BACH1: variants seen among roughly 807,000 people sequenced by gnomAD.
BACH1 encodes BTB domain and CNC homolog 1.
A neutral mutation model predicts 52.9 loss-of-function variants in BACH1; 35 were observed. The observed-to-expected ratio is 0.66, with a 90% CI of 0.51 to 0.88. The LOEUF is 0.88. BACH1 is among the 40% of genes least tolerant of loss of function. The pLI is 0.00. For synonymous variants in BACH1, 321 were observed against 319.6 expected (o/e 1.00, Z -0.05); for missense variants, 808 against 872.6 (o/e 0.93, Z 0.93).
intron 2 of BACH1, among the ~76,000 whole-genome samples, chr21:29,360,772 G>A (rs974802690): frequency 2.6e-5 from 4 of 151,130 alleles, no homozygotes; most frequent in African/African-American, 7.3e-5. Context: ...TTGAACCCAC[G>A]AGGTGGAGGT....
intron 4 of BACH1, among the ~76,000 whole-genome samples, chr21:29,339,724 C>T (rs918863398): frequency 2.6e-5 from 4 of 151,586 alleles, no homozygotes; most frequent in Admixed American, 2.6e-4. Context: ...CCTCCGTCTC[C>T]CAGGCTCAAG....
chr21:29,320,113 G>C (rs988855963), intron 1 of BACH1, among the ~76,000 whole-genome samples: 2 of 152,048 alleles, frequency 1.3e-5, no homozygotes, highest in Non-Finnish European at 2.9e-5. Context: ...TTTCATTTTT[G>C]TTTGGAGTGT....
At chr21:29,317,291 T>G (rs1042819783) in intron 1 of BACH1, among the ~76,000 whole-genome samples, 2 of 152,234 alleles carry the variant, frequency 1.3e-5, no homozygotes, top group Non-Finnish European at 2.9e-5. Context: ...TCTGTTTTGT[T>G]TCTGTATTAA....
chr21:29,327,496 G>A, intron 3 of BACH1, 103 bp downstream of exon 3: 1 of 1,435,330 alleles, frequency 7.0e-7, no homozygotes, highest in Non-Finnish European at 9.3e-7. Flanking sequence ...TCAGGTTCAG[G>A]GAGTGGGGAG....
chr21:29,342,567 T>C lies in BACH1; in HGVS notation c.1945T>C (p.Ser649Pro). Residue 649 changes from serine (S) to proline (P), a missense_variant, in exon 5 of 5, where the codon TCA becomes CCA. Coordinates refer to ENST00000286800, the MANE Select transcript of BACH1 (RefSeq NM_001186.4). ...AKYSAADCPL[S>P]FLISEKDKST... is the part of the protein sequence containing the mutation. ...GTACTCAGCTGCAGATTGCCCACTT[T>C]CATTTTTAATTTCTGAAAAAGATAA... 6.2e-7 allele frequency: 1 copy of C among 1,614,236 alleles called. No individual in the cohort carries two copies. Among genetic ancestry groups the C allele is most frequent in the Non-Finnish European group, 8.5e-7 (1 of 1,180,044 alleles).
chr21:29,350,848 CAAG>C (rs1321156585), downstream of BACH1, among the ~76,000 whole-genome samples: 6 of 152,078 alleles, frequency 3.9e-5, no homozygotes, highest in Admixed American at 2.0e-4. Flanking sequence ...GAGAAGCTTG[CAAG>C]AAGAGAAAGA....
chr21:29,326,373 G>T lies in BACH1; in HGVS notation c.549G>T (p.Gln183His), dbSNP rs571532697. 1 of 1,614,084 alleles carries T rather than the reference G, an allele frequency of 6.2e-7. No homozygotes were observed. Among genetic ancestry groups the T allele is most frequent in the African/African-American group, 1.3e-5 (1 of 74,938 alleles). ...AAAATAAAAATGTTCAGACTCCTCA[G>T]TGTAAACTCCGCAGGTATCAAGGAA... ...FLENKNVQTP[Q>H]CKLRRYQGNA... is the part of the protein sequence containing the mutation. Residue 183 changes from glutamine to histidine, a missense_variant, in exon 3 of 5, where the codon CAG becomes CAT. Coordinates refer to ENST00000286800, the MANE Select transcript of BACH1 (RefSeq NM_001186.4).
At chr21:29,342,028 C>A (rs959763470) in intron 4 of BACH1, among the ~76,000 whole-genome samples, 2 of 152,104 alleles carry the variant, frequency 1.3e-5, no homozygotes, top group African/African-American at 4.8e-5. Flanking sequence ...GAAAAACTGC[C>A]CCAAATTGAC....
intron 1 of BACH1, among the ~76,000 whole-genome samples, chr21:29,300,535 CG>C (rs1601332986): frequency 6.6e-6 from 1 of 152,118 alleles, no homozygotes; most frequent in East Asian, 1.9e-4. Flanking sequence ...GGTTTAAAGA[CG>C]GAGCCTCGTG....
Position 29,326,427 on chromosome 21 carries a change from C to G in BACH1, c.603C>G (p.Asp201Glu), listed in dbSNP as rs147328273. 3,863 of 1,614,236 alleles carry G rather than the reference C, an allele frequency of 2.4e-3. 5 individuals carry two copies. Among genetic ancestry groups the G allele is most frequent in the Admixed American group, 2.8e-3 (169 of 60,032 alleles). The change falls in exon 3 of 5, where the codon GAC becomes GAG. Residue 201 changes from aspartate to glutamate, a missense_variant. Transcript: ENST00000286800. The stretch of plus-strand genomic sequence containing the variant: ...CAAAAGCCTCACCTCCTCTACAAGA[C>G]AGTGCCAGTCAGACATATGAGTCCA... ...GNAKASPPLQ[D>E]SASQTYESMC...
At chr21:29,355,719 T>C (rs1350759108) in intron 2 of BACH1, among the ~76,000 whole-genome samples, 2 of 152,142 alleles carry the variant, frequency 1.3e-5, no homozygotes, top group Non-Finnish European at 2.9e-5. Flanking sequence ...AGGAAACAGA[T>C]TTGACAAGGA....
intron 1 of BACH1, among the ~76,000 whole-genome samples, chr21:29,318,906 C>G (rs1221720195): frequency 2.0e-5 from 3 of 152,130 alleles, no homozygotes; most frequent in Non-Finnish European, 4.4e-5. Flanking sequence ...TATCCAGCTC[C>G]CCACATTGCT....
chr21:29,326,459 T>A lies in BACH1; in HGVS notation c.635T>A (p.Leu212Ter), dbSNP rs1186081900. 1 of 1,614,122 alleles carries A rather than the reference T, an allele frequency of 6.2e-7. No individual in the cohort carries two copies. The highest frequency in any genetic ancestry group is 1.3e-5 in the African/African-American group (1 of 74,936). The change falls in exon 3 of 5, where the codon TTA (leucine) becomes TAA (stop). Residue 212 changes from leucine (L) to a stop codon, truncating the protein, a stop_gained. Transcript: ENST00000286800. LOFTEE classifies it high-confidence loss of function. Reference sequence around the variant, plus strand: ...AGTCAGACATATGAGTCCATGTGCTTAGAGAAGGATGCTGCTCTGGCCTTG... The same window carrying A: ...AGTCAGACATATGAGTCCATGTGCTAAGAGAAGGATGCTGCTCTGGCCTTG... Reference protein sequence around the residue: ...SASQTYESMCLEKDAALALPS... With the variant: ...SASQTYESMC
At chr21:29,317,275 A>G (rs947025121) in intron 1 of BACH1, among the ~76,000 whole-genome samples, 3 of 152,250 alleles carry the variant, frequency 2.0e-5, no homozygotes, top group African/African-American at 7.2e-5. Flanking sequence ...GCTGATCTAG[A>G]TGATCTCTGT....
chr21:29,342,420 T>C lies in BACH1; in HGVS notation c.1798T>C (p.Leu600=). 2 of 1,613,240 alleles carry C rather than the reference T, an allele frequency of 1.2e-6. No homozygotes were observed. The highest frequency in any genetic ancestry group is 1.7e-6 in the Non-Finnish European group (2 of 1,179,426). Residue 600 remains leucine, a synonymous_variant, in exon 5 of 5, where the codon TTG becomes CTG. Coordinates refer to ENST00000286800, the MANE Select transcript of BACH1 (RefSeq NM_001186.4). ...ACAGCAAAGTGAAAAGGAGAGCTTGTTGAAGGAAAGAGATCACATTTTGTC... is the reference window on the plus strand; with the variant it reads ...ACAGCAAAGTGAAAAGGAGAGCTTGCTGAAGGAAAGAGATCACATTTTGTC... ...EKLQSEKESL[L]KERDHILSTL... is the part of the protein sequence containing the mutation.
intron 3 of BACH1, among the ~76,000 whole-genome samples, chr21:29,327,658 C>T (rs550728602): frequency 2.0e-4 from 31 of 152,150 alleles, no homozygotes; most frequent in East Asian, 3.9e-4. Flanking sequence ...GGCGAATCTC[C>T]GTCTCTACAA....
At chr21:29,347,990 T>A (rs2089179972), downstream of BACH1, among the ~76,000 whole-genome samples, 1 of 151,900 alleles carries the variant, frequency 6.6e-6, no homozygotes, top group East Asian at 1.9e-4. Context: ...GAGAAAAAAA[T>A]TCAAAGATTA....
intron 1 of BACH1, among the ~76,000 whole-genome samples, chr21:29,311,047 A>T (rs1350304043): frequency 6.6e-6 from 1 of 152,216 alleles, no homozygotes; most frequent in Non-Finnish European, 1.5e-5. Flanking sequence ...ATTTCATCAG[A>T]TTCTGTAAGG....
At position 29,355,290 on chromosome 21, in the gene BACH1, C is replaced by T. The variant is rs182435599; in HGVS notation, c.472+25597C>T. Among the ~76,000 whole-genome samples, 717 of 151,216 alleles carry T rather than the reference C, an allele frequency of 4.7e-3. 2 individuals are homozygous for T. Among genetic ancestry groups the T allele is most frequent in the Admixed American group, 7.0e-3 (106 of 15,182 alleles). ...AGGGCTGTTTGGTGCGTTTACAAAC[C>T]CTTAGCTAGACACAGAGCGCTGATT... is the stretch of plus-strand genomic sequence containing the variant. On this transcript the variant is annotated intron_variant, in intron 2 of 4. Transcript: ENST00000422809.
Sources: gnomAD v4.1 joint callset for allele counts (sites outside exome capture counted in the v4.1 genomes callset) on GRCh38, gnomAD v4.1.1 for gene constraint, MANE v1.5 for transcripts, NCBI Gene and HGNC (gene_info 2026-07-23, HGNC 2026-07-21) for gene names.